C12orf42: variants seen among roughly 807,000 people sequenced by gnomAD.
The protein encoded by C12orf42 is chromosome 12 open reading frame 42.
A neutral mutation model predicts 21.6 loss-of-function variants in C12orf42; 25 were observed. That is an observed-to-expected ratio of 1.16 (90% CI 0.84 to 1.62). The LOEUF (loss-of-function observed/expected upper bound fraction) is 1.62. Ranked by LOEUF, C12orf42 falls within the 40% of genes most tolerant of loss-of-function variation. The pLI, the probability that C12orf42 is intolerant of heterozygous loss-of-function variation, is 0.00. For synonymous variants in C12orf42, 174 were observed against 175.0 expected, an observed-to-expected ratio of 0.99 and a Z score of 0.05; for missense variants, 483 against 459.3, an observed-to-expected ratio of 1.05 and a Z score of -0.47.
rs1028269262 is a variant in C12orf42 at position 103,462,161 on chromosome 12, G to A, written c.78+16188C>T. On this transcript the variant is annotated intron_variant, in intron 2 of 5. Coordinates refer to ENST00000548883, the MANE Select transcript of C12orf42 (RefSeq NM_198521.5). ...TCGCTCTTGTTGCCCAGGCTGGAGT[G>A]CAATGGTGCGATCTCCACTCACTGC... Among the ~76,000 whole-genome samples, 8 of 112,442 alleles carry A rather than the reference G, an allele frequency of 7.1e-5. No individual in the cohort carries two copies. In the Admixed American group the frequency reaches 8.6e-4, roughly 12 times the overall value. 73.8% of individuals were successfully genotyped at this position (112,442 alleles called of 152,430 possible).
chr12:103,510,006 A>G, the C12orf42 span, among the ~76,000 whole-genome samples: 1 of 152,236 alleles, frequency 6.6e-6, no homozygotes, highest in Non-Finnish European at 1.5e-5. Flanking sequence ...ACTACTGGGT[A>G]TCTACCCAGA....
intron 3 of C12orf42, among the ~76,000 whole-genome samples, chr12:103,380,281 T>A (rs544229431): frequency 1.3e-5 from 2 of 152,186 alleles, no homozygotes; most frequent in Non-Finnish European, 1.5e-5. Context: ...AGAATTTTCA[T>A]AGAAAATTTA....
At chr12:103,481,868 T>C (rs1398035649) in intron 1 of C12orf42, among the ~76,000 whole-genome samples, 1 of 151,838 alleles carries the variant, frequency 6.6e-6, no homozygotes, top group Non-Finnish European at 1.5e-5. Context: ...TTTTTCTAGT[T>C]TCTCCCCTCT....
intron 1 of C12orf42, among the ~76,000 whole-genome samples, chr12:103,486,457 G>T (rs542443121): frequency 6.6e-6 from 1 of 152,084 alleles, no homozygotes; most frequent in Admixed American, 6.5e-5. Context: ...TTTGGTATCG[G>T]GATAATGCTG....
chr12:103,159,052 A>T, the C12orf42 span, among the ~76,000 whole-genome samples: 7 of 152,176 alleles, frequency 4.6e-5, no homozygotes, highest in African/African-American at 1.7e-4. Flanking sequence ...ATCTTCTTTG[A>T]CTATCATGTG....
intron 2 of C12orf42, among the ~76,000 whole-genome samples, chr12:103,412,305 T>C (rs967094347): frequency 1.3e-5 from 2 of 152,192 alleles, no homozygotes; most frequent in Admixed American, 1.3e-4. Context: ...CGCTAAACAG[T>C]AATAACCAAA....
chr12:103,453,569 C>T (rs1490148008), intron 2 of C12orf42, among the ~76,000 whole-genome samples: 1 of 151,928 alleles, frequency 6.6e-6, no homozygotes, highest in African/African-American at 2.4e-5. Flanking sequence ...TCATTAATTT[C>T]TGCTCTTATC....
At chr12:103,409,572 T>C (rs544760966) in intron 2 of C12orf42, among the ~76,000 whole-genome samples, 2 of 151,982 alleles carry the variant, frequency 1.3e-5, no homozygotes, top group South Asian at 4.2e-4. Context: ...TTGATACCCA[T>C]AAAAAAAACT....
intron 4 of C12orf42, among the ~76,000 whole-genome samples, chr12:103,314,059 G>C (rs2039224756): frequency 6.6e-6 from 1 of 152,178 alleles, no homozygotes; most frequent in African/African-American, 2.4e-5. Context: ...TACTCAATCT[G>C]AGACTAGCCT....
the C12orf42 span, among the ~76,000 whole-genome samples, chr12:103,563,265 TGGACTA>T: frequency 2.6e-5 from 4 of 152,200 alleles, no homozygotes; most frequent in Non-Finnish European, 5.9e-5. Flanking sequence ...ATGTGTATCC[TGGACTA>T]AGCCCAGATG....
intron 3 of C12orf42, among the ~76,000 whole-genome samples, chr12:103,375,582 T>G (rs2045622390): frequency 6.6e-6 from 1 of 152,224 alleles, no homozygotes; most frequent in Non-Finnish European, 1.5e-5. Context: ...AACATATTAT[T>G]ATTTATTGCA....
chr12:103,136,910 G>T, the C12orf42 span, among the ~76,000 whole-genome samples: 1 of 152,090 alleles, frequency 6.6e-6, no homozygotes, highest in Non-Finnish European at 1.5e-5. Context: ...TTAATTGTAA[G>T]ACCCAAAACT....
chr12:103,302,691 A>AAAC lies in C12orf42; in HGVS notation c.632-133_632-132insGTT, dbSNP rs1239053707. 5.4e-6 allele frequency: 4 copies of AAAC among 733,994 alleles called. No individual in the cohort carries two copies. The East Asian group carries it at 1.2e-4, about 21-fold the overall frequency. The allele number at this position is 733,994 out of a possible 1,614,324, so 45.5% of individuals were successfully genotyped here. On this transcript the variant is annotated intron_variant, in intron 5 of 5. Transcript: ENST00000548883. ...GCTCAGAGGGGAAAGAAAAAAAAAA[A>AAAC]AAAACCCTGACATGATCCTCACCTG...
chr12:103,505,288 G>C, the C12orf42 span: 6 of 255,324 alleles, frequency 2.3e-5, no homozygotes, highest in Non-Finnish European at 3.9e-5. Flanking sequence ...TCACATCAAG[G>C]GTTCACAGTG....
chr12:103,523,032 A>G, the C12orf42 span, among the ~76,000 whole-genome samples: 1 of 152,248 alleles, frequency 6.6e-6, no homozygotes, highest in African/African-American at 2.4e-5. Context: ...AACAATCCCA[A>G]GATTGAATGA....
At chr12:103,227,340 G>A in the C12orf42 span, among the ~76,000 whole-genome samples, 160 of 151,976 alleles carry the variant, frequency 1.1e-3, no homozygotes, top group African/African-American at 3.7e-3. Flanking sequence ...AAGGGATTGG[G>A]GTGCAGAGAT....
chr12:103,389,003 G>C (rs974568844), intron 3 of C12orf42, among the ~76,000 whole-genome samples: 2 of 152,208 alleles, frequency 1.3e-5, no homozygotes, highest in African/African-American at 4.8e-5. Context: ...GTTGAGTTTA[G>C]CCCATGGTCC....
chr12:103,522,073 T>C, the C12orf42 span, among the ~76,000 whole-genome samples: 1 of 152,118 alleles, frequency 6.6e-6, no homozygotes, highest in African/African-American at 2.4e-5. Context: ...CCCACCCAAA[T>C]CTCACCTTGA....
chr12:103,470,074 C>A (rs890040193), intron 2 of C12orf42, among the ~76,000 whole-genome samples: 1 of 152,174 alleles, frequency 6.6e-6, no homozygotes, highest in East Asian at 1.9e-4. Context: ...GAACTCAGGA[C>A]TAAAACCCAA....
Sources: allele counts gnomAD v4.1 joint callset (sites outside exome capture counted in the v4.1 genomes callset), GRCh38; gene constraint gnomAD v4.1.1; transcripts MANE v1.5; gene names NCBI Gene and HGNC (gene_info 2026-07-23, HGNC 2026-07-21).